Variants in IL1RAPL1 observed in about 807,000 individuals in gnomAD.
IL1RAPL1 encodes interleukin-1 receptor accessory protein-like 1.
In IL1RAPL1, 3 loss-of-function variants were observed where a neutral mutation model predicts 48.4. The ratio of observed to expected loss-of-function variants is 0.06; its 90% confidence interval spans 0.03 to 0.16. IL1RAPL1 has a LOEUF of 0.16. Ranked by LOEUF, IL1RAPL1 falls within the 10% of genes least tolerant of loss-of-function variation. IL1RAPL1 has a pLI of 1.00. For missense variants in IL1RAPL1, 349 were observed against 530.6 expected, an observed-to-expected ratio of 0.66 and a Z score of 3.36; for synonymous variants, 185 against 187.7, an observed-to-expected ratio of 0.99 and a Z score of 0.12.
At chrX:29,836,154 C>T (rs1930995717) in intron 6 of IL1RAPL1, among the ~76,000 whole-genome samples, 1 of 105,023 alleles carries the variant, frequency 9.5e-6, no homozygotes, top group Non-Finnish European at 1.9e-5. Flanking sequence ...TTTGCTGTAG[C>T]CCATAGATTT....
rs74741743 is a variant in IL1RAPL1, at chrX:28,817,217, A to G, written c.82+27792A>G. 6.9e-4 allele frequency among the ~76,000 whole-genome samples: 76 copies of G among 110,912 alleles called. 1 individual carries two copies. The South Asian group carries it at 0.017, about 25-fold the overall frequency. ...CAGTGATATTTTCTAGAAATATATT[A>G]TAAGCAACAATTGTATAAGGAAGAC... On this transcript the variant is annotated intron_variant, in intron 2 of 10. Coordinates refer to ENST00000378993, the MANE Select transcript of IL1RAPL1 (RefSeq NM_014271.4).
At chrX:29,837,041 C>T (rs1931022770) in intron 6 of IL1RAPL1, among the ~76,000 whole-genome samples, 1 of 108,225 alleles carries the variant, frequency 9.2e-6, no homozygotes, top group South Asian at 4.1e-4. Flanking sequence ...AGGCAGATCA[C>T]GAGGTCAGGA....
At chrX:28,641,821 G>GA (rs776419136) in intron 1 of IL1RAPL1, among the ~76,000 whole-genome samples, 325 of 111,505 alleles carry the variant, frequency 2.9e-3, no homozygotes, top group African/African-American at 9.5e-3. Context: ...AATGACCAGT[G>GA]ATGATGAGTG....
At chrX:29,818,834 A>C (rs937056337) in intron 6 of IL1RAPL1, among the ~76,000 whole-genome samples, 1 of 112,414 alleles carries the variant, frequency 8.9e-6, no homozygotes, top group Non-Finnish European at 1.9e-5. Context: ...TTGTTTCCCA[A>C]AGGCCAAATC....
At chrX:29,343,419 C>T (rs1175541639) in intron 3 of IL1RAPL1, among the ~76,000 whole-genome samples, 2 of 111,104 alleles carry the variant, frequency 1.8e-5, no homozygotes, top group African/African-American at 6.6e-5. Context: ...TGTTTTAGCC[C>T]AGGTATCCCC....
intron 6 of IL1RAPL1, among the ~76,000 whole-genome samples, chrX:29,798,519 G>C (rs1929800335): frequency 8.9e-6 from 1 of 111,768 alleles, no homozygotes; most frequent in Non-Finnish European, 1.9e-5. Flanking sequence ...TCAAAACCAA[G>C]TTCCATAGTA....
At chrX:29,326,636 AT>A (rs1201291039) in intron 3 of IL1RAPL1, among the ~76,000 whole-genome samples, 5 of 112,546 alleles carry the variant, frequency 4.4e-5, no homozygotes, top group Admixed American at 2.8e-4. Flanking sequence ...TGTTTTAAAT[AT>A]CTATACTGAC....
intron 3 of IL1RAPL1, among the ~76,000 whole-genome samples, chrX:29,350,455 A>G (rs1019586648): frequency 1.9e-5 from 2 of 106,736 alleles, no homozygotes; most frequent in Admixed American, 2.0e-4. Flanking sequence ...CCCAGCCAGG[A>G]CCACTGTCTA....
At chrX:29,780,605 A>G (rs960944455) in intron 6 of IL1RAPL1, among the ~76,000 whole-genome samples, 1 of 111,458 alleles carries the variant, frequency 9.0e-6, no homozygotes, top group African/African-American at 3.3e-5. Flanking sequence ...TCATGTGAGG[A>G]GTATAAAGGG....
chrX:29,620,936 G>A (rs756368967), intron 5 of IL1RAPL1, among the ~76,000 whole-genome samples: 7 of 111,741 alleles, frequency 6.3e-5, no homozygotes, highest in Non-Finnish European at 1.3e-4. Context: ...TTTCTATATC[G>A]CTGGAACTCT....
chrX:29,151,164 C>T (rs56120163), intron 2 of IL1RAPL1, among the ~76,000 whole-genome samples: 24,160 of 110,111 alleles, frequency 0.22, 2,451 homozygotes, highest in African/African-American at 0.38. Context: ...GCAAACCAAA[C>T]TATCACATTA....
chrX:29,216,553 T>C (rs1930873147), intron 2 of IL1RAPL1, among the ~76,000 whole-genome samples: 1 of 111,534 alleles, frequency 9.0e-6, no homozygotes, highest in African/African-American at 3.3e-5. Flanking sequence ...TTGACACATA[T>C]ACAATACTGT....
At chrX:29,223,280 T>C (rs1931017442) in intron 2 of IL1RAPL1, among the ~76,000 whole-genome samples, 1 of 112,032 alleles carries the variant, frequency 8.9e-6, no homozygotes, top group African/African-American at 3.2e-5. Context: ...CATACACATA[T>C]GTGTGTCTAT....
At chrX:28,958,893 CA>C (rs928168597) in intron 2 of IL1RAPL1, among the ~76,000 whole-genome samples, 1 of 110,110 alleles carries the variant, frequency 9.1e-6, no homozygotes, top group Non-Finnish European at 1.9e-5. Context: ...ATGTCTCTGA[CA>C]AAAAAAAGTT....
rs995757568 is a variant in IL1RAPL1 at position 29,105,109 on chromosome X, G to A, written c.83-177829G>A. Among the ~76,000 whole-genome samples the A allele has an allele frequency of 2.7e-5, 3 of 111,473 alleles. No individual in the cohort carries two copies. The Admixed American group carries it at 2.9e-4, about 11-fold the overall frequency. ...CTACCCCTGGCTGCGGGAAAGTCTA[G>A]GATGGTAAGTATTTTAGTTTTCTAT... On this transcript the variant is annotated intron_variant, in intron 2 of 10. Coordinates refer to ENST00000378993, the MANE Select transcript of IL1RAPL1 (RefSeq NM_014271.4).
At chrX:29,919,909 C>CTGTT (rs767414860) in intron 7 of IL1RAPL1, 40 bp from the exon 8 acceptor site, 2 of 1,152,518 alleles carry the variant, frequency 1.7e-6, no homozygotes, top group African/African-American at 3.6e-5. Flanking sequence ...GTGTATGTGT[C>CTGTT]TGTTTGTGTG....
chrX:29,481,620 T>C (rs565840057), intron 5 of IL1RAPL1, among the ~76,000 whole-genome samples: 1 of 111,673 alleles, frequency 9.0e-6, no homozygotes, highest in South Asian at 3.8e-4. Context: ...TGTGGTGTTA[T>C]AAAGAGAGTC....
intron 6 of IL1RAPL1, among the ~76,000 whole-genome samples, chrX:29,813,160 C>A (rs1480546534): frequency 9.0e-6 from 1 of 111,325 alleles, no homozygotes; most frequent in Non-Finnish European, 1.9e-5. Flanking sequence ...AAATATATAT[C>A]CGGGAAATAT....
chrX:29,006,694 T>TGTGTGTGTG (rs759262818), intron 2 of IL1RAPL1, among the ~76,000 whole-genome samples: 2 of 101,956 alleles, frequency 2.0e-5, no homozygotes, highest in African/African-American at 7.2e-5. Context: ...TGTGTGTGTG[T>TGTGTGTGTG]TATTAAATAT....
Sources: allele counts gnomAD v4.1 joint callset (sites outside exome capture counted in the v4.1 genomes callset), GRCh38; gene constraint gnomAD v4.1.1; transcripts MANE v1.5; gene names NCBI Gene and HGNC (gene_info 2026-07-23, HGNC 2026-07-21).